The following NMD3 variants were observed in gnomAD, a reference collection of about 807,000 sequenced individuals.
NMD3 encodes the protein 60S ribosomal export protein NMD3.
NMD3 carries 47 observed loss-of-function variants against 73.1 expected under a neutral mutation model. The observed-to-expected ratio is 0.64, with a 90% CI of 0.51 to 0.82. NMD3 has a LOEUF of 0.82. Among genes scored for constraint, NMD3 ranks in the 40% least tolerant of loss-of-function variants. The pLI is 0.00. For missense variants in NMD3, 554 were observed against 612.5 expected (o/e 0.90, Z 1.01); for synonymous variants, 210 against 194.5 (o/e 1.08, Z -0.66).
intron 2 of NMD3, 55 bp downstream of exon 2, chr3:161,222,112 G>A (rs1014865305): frequency 2.8e-6 from 4 of 1,444,006 alleles, no homozygotes; most frequent in African/African-American, 2.8e-5. Flanking sequence ...CAGTGAGCCC[G>A]GGAAACTCAC....
chr3:161,251,735 G>A lies in NMD3; in HGVS notation c.*825G>A, dbSNP rs187487310. The stretch of plus-strand genomic sequence containing the variant: ...CTCTATAAGTTTCTGTCATTGAACA[G>A]ATCACCATTAAAAAGAATATTAGAA... On this transcript the variant is annotated 3_prime_UTR_variant, in exon 16 of 16. Transcript: ENST00000351193. 3.9e-4 allele frequency: 59 copies of A among 152,210 alleles called. 1 individual carries two copies. The highest frequency in any genetic ancestry group is 1.4e-3 in the African/African-American group (58 of 41,528). The allele number at this position is 152,210 out of a possible 1,614,324, so 9.4% of individuals were successfully genotyped here. A position where few individuals can be genotyped will look rare whatever the true frequency, so the allele number is the denominator to read the frequency against.
chr3:161,250,338 A>G lies in NMD3; in HGVS notation c.1381+12A>G. The G allele has an allele frequency of 6.5e-7, 1 of 1,543,698 alleles. No homozygotes were observed. The highest frequency in any genetic ancestry group is 8.9e-7 in the Non-Finnish European group (1 of 1,118,324). On this transcript the variant is annotated intron_variant, in intron 15 of 15. Transcript: ENST00000351193. Reference sequence around the variant, plus strand: ...CAACATTTACAGAGGTTGGTGTTCTAGGAGTGTTTAAGTCATTTGTTCTGT... The same window carrying G: ...CAACATTTACAGAGGTTGGTGTTCTGGGAGTGTTTAAGTCATTTGTTCTGT...
chr3:161,233,294 T>G (rs1736610972), intron 4 of NMD3, 105 bp from the exon 5 acceptor site: 3 of 679,532 alleles, frequency 4.4e-6, no homozygotes, highest in Non-Finnish European at 7.7e-6. Context: ...GATCACAGAT[T>G]CCTTAAGCAT....
intron 6 of NMD3, 34 bp from the exon 7 acceptor site, chr3:161,235,088 G>A: frequency 1.7e-6 from 2 of 1,154,898 alleles, no homozygotes; most frequent in Non-Finnish European, 1.3e-6. Context: ...GCTTTTTTGT[G>A]GGGCATTTAT....
intron 11 of NMD3, among the ~76,000 whole-genome samples, chr3:161,243,835 G>A (rs113512408): frequency 8.1e-6 from 1 of 123,558 alleles, no homozygotes; most frequent in African/African-American, 3.5e-5. Flanking sequence ...TTAACATAGT[G>A]ATAGTCAGAT....
intron 3 of NMD3, among the ~76,000 whole-genome samples, chr3:161,226,136 T>G (rs1197156111): frequency 2.6e-5 from 4 of 151,980 alleles, no homozygotes; most frequent in African/African-American, 9.7e-5. Flanking sequence ...TTAGGTGATA[T>G]GTGAAGCCCT....
chr3:161,248,562 G>A (rs889402947), intron 13 of NMD3, among the ~76,000 whole-genome samples: 21 of 152,126 alleles, frequency 1.4e-4, no homozygotes, highest in Admixed American at 3.9e-4. Flanking sequence ...TTTTTATTAG[G>A]CTCACTTCGT....
Position 161,222,069 on chromosome 3 carries a change from A to G in NMD3, c.44+12A>G. 5 of 1,604,802 alleles carry G rather than the reference A, an allele frequency of 3.1e-6. No individual in the cohort carries two copies. Among genetic ancestry groups the G allele is most frequent in the Non-Finnish European group, 4.3e-6 (5 of 1,175,098 alleles). On this transcript the variant is annotated intron_variant, in intron 2 of 15. Coordinates refer to ENST00000351193, the MANE Select transcript of NMD3 (RefSeq NM_015938.5). Reference sequence around the variant, plus strand: ...AGCCCTGGACACATGTGAGTGCGACACTTCTTCCTTCCCCCTTAAATGTGA... The same window carrying G: ...AGCCCTGGACACATGTGAGTGCGACGCTTCTTCCTTCCCCCTTAAATGTGA...
At position 161,222,778 on chromosome 3, in the gene NMD3, TCA is replaced by T. The variant is rs1176418679; in HGVS notation, c.44+724_44+725del. On this transcript the variant is annotated intron_variant, in intron 2 of 15. Transcript: ENST00000351193. ...CCTTCTGTCTAGAATGACCCTAATC[TCA>T]CAGGAAAACAGTAACTATGGAGAAA... The T allele has an allele frequency of 2.0e-5, 3 of 152,104 alleles. No individual in the cohort carries two copies. The East Asian group carries it at 5.8e-4, about 29-fold the overall frequency. The allele number at this position is 152,104 out of a possible 1,614,324, so 9.4% of individuals were successfully genotyped here.
chr3:161,244,471 A>G (rs6785714), intron 11 of NMD3, among the ~76,000 whole-genome samples: 7,433 of 152,228 alleles, frequency 0.049, 473 homozygotes, highest in African/African-American at 0.14. Flanking sequence ...TTTTTAGAGT[A>G]AAGAGTTGAT....
Position 161,224,974 on chromosome 3 carries a change from A to G in NMD3, c.89A>G (p.Asn30Ser), listed in dbSNP as rs371917285. Reference protein sequence around the residue: ...CGVPISPNPANICVACLRSKV... With the variant: ...CGVPISPNPASICVACLRSKV... ...GTTCCGATAAGTCCAAATCCTGCCAATATTTGTGTGGCCTGTTTGCGAAGT... is the reference window on the plus strand; with the variant it reads ...GTTCCGATAAGTCCAAATCCTGCCAGTATTTGTGTGGCCTGTTTGCGAAGT... The change falls in exon 3 of 16, where the codon AAT (asparagine) becomes AGT (serine). Residue 30 changes from asparagine to serine, a missense_variant. Coordinates refer to ENST00000351193, the MANE Select transcript of NMD3 (RefSeq NM_015938.5). 18 of 1,613,690 alleles carry G rather than the reference A, an allele frequency of 1.1e-5. No individual in the cohort carries two copies. In the African/African-American group the frequency reaches 1.7e-4, roughly 16 times the overall value.
chr3:161,248,210 C>T (rs1009520911), intron 13 of NMD3, among the ~76,000 whole-genome samples: 5 of 151,924 alleles, frequency 3.3e-5, no homozygotes, highest in African/African-American at 9.7e-5. Flanking sequence ...ATAAATTTAG[C>T]CGGGTGCGGT....
Position 161,250,914 on chromosome 3 carries a change from G to A in NMD3, c.*4G>A. 1 of 1,610,562 alleles carries A rather than the reference G, an allele frequency of 6.2e-7. No individual in the cohort carries two copies. Among genetic ancestry groups the A allele is most frequent in the Non-Finnish European group, 8.5e-7 (1 of 1,177,880 alleles). On this transcript the variant is annotated 3_prime_UTR_variant, in exon 16 of 16. Transcript: ENST00000351193. ...AGGTGCATCAATGCTGACATAATGA[G>A]ATGTTGTAGACTGTTTCCATACATG...
downstream of NMD3, chr3:161,253,437 GATTTGCCAAATGTAAACAATTTGCCTC>G (rs1370298772): frequency 6.6e-6 from 1 of 152,092 alleles, no homozygotes; most frequent in Non-Finnish European, 1.5e-5. Context: ...CATTTACCTA[GATTTGCCAAATGTAAACAATTTGCCTC>G]ATTTGCTTTC....
rs952706420 is a variant in NMD3 at position 161,221,850 on chromosome 3, T to A, written c.-20-144T>A. ...ACTTACCCAGTGGAGTTGGGTTTCC[T>A]TCTTTCCTGCTTTTTCGAAGTTCTG... On this transcript the variant is annotated intron_variant, in intron 1 of 15. Transcript: ENST00000351193. 1.5e-5 allele frequency: 8 copies of A among 541,976 alleles called. No homozygotes were observed. The African/African-American group carries it at 1.6e-4, about 11-fold the overall frequency. 33.6% of individuals were successfully genotyped at this position (541,976 alleles called of 1,614,324 possible). A position where few individuals can be genotyped will look rare whatever the true frequency, so the allele number is the denominator to read the frequency against.
intron 11 of NMD3, among the ~76,000 whole-genome samples, chr3:161,244,338 A>G (rs1011117436): frequency 6.6e-6 from 1 of 152,174 alleles, no homozygotes; most frequent in African/African-American, 2.4e-5. Flanking sequence ...CATGTTACTC[A>G]GGCTGGTCTT....
Position 161,235,219 on chromosome 3 carries a change from TAAAACTC to T in NMD3, c.577+12_577+18del. 1.5e-6 allele frequency: 2 copies of T among 1,367,528 alleles called. No homozygotes were observed. Among genetic ancestry groups the T allele is most frequent in the South Asian group, 2.6e-5 (2 of 77,488 alleles). 84.7% of individuals were successfully genotyped at this position (1,367,528 alleles called of 1,614,324 possible). A position where few individuals can be genotyped will look rare whatever the true frequency, so the allele number is the denominator to read the frequency against. ...CGTATCAAAGAGATTCATGGTGAGT[TAAAACTC>T]AAAAGCATTTGAAATTATGTCAGAT... On this transcript the variant is annotated splice_region_variant and intron_variant, in intron 7 of 15. Transcript: ENST00000351193.
downstream of NMD3, chr3:161,253,082 G>C (rs192025692): frequency 1.6e-4 from 34 of 211,358 alleles, 1 homozygote; most frequent in African/African-American, 7.6e-4. Context: ...GGGCGACAGA[G>C]TGAGACTCTG....
intron 3 of NMD3, among the ~76,000 whole-genome samples, chr3:161,225,720 C>T (rs947087607): frequency 7.9e-5 from 12 of 152,034 alleles, no homozygotes; most frequent in Admixed American, 2.6e-4. Context: ...TGGATTAAGA[C>T]GCTAACTTTT....
Sources: allele counts gnomAD v4.1 joint callset (sites outside exome capture counted in the v4.1 genomes callset), GRCh38; gene constraint gnomAD v4.1.1; transcripts MANE v1.5; gene names NCBI Gene and HGNC (gene_info 2026-07-23, HGNC 2026-07-21).